Variants in FHIT observed in about 807,000 individuals in gnomAD.
FHIT encodes fragile histidine triad diadenosine triphosphatase.
FHIT carries 19 observed loss-of-function variants against 17.9 expected under a neutral mutation model. That is an observed-to-expected ratio of 1.06 (90% CI 0.74 to 1.56). The LOEUF (loss-of-function observed/expected upper bound fraction) is 1.56, where lower values mean the gene tolerates loss of function less well. FHIT is among the 40% of genes most tolerant of loss of function. The probability of loss-of-function intolerance (pLI) is 0.00; values close to 1 mark genes in which losing one functional copy is unlikely to be tolerated. For synonymous variants in FHIT, 81 were observed against 69.7 expected (o/e 1.16, Z -0.81); for missense variants, 248 against 189.2 (o/e 1.31, Z -1.82).
At chr3:60,866,189 C>G (rs1040081826) in intron 3 of FHIT, among the ~76,000 whole-genome samples, 17 of 152,120 alleles carry the variant, frequency 1.1e-4, no homozygotes, top group African/African-American at 3.9e-4. Context: ...GAGTCTCCTT[C>G]CACAAAAAGT....
chr3:59,974,024 A>G (rs1017117815), intron 7 of FHIT, among the ~76,000 whole-genome samples: 4 of 151,954 alleles, frequency 2.6e-5, no homozygotes, highest in African/African-American at 9.7e-5. Flanking sequence ...GCCACATATA[A>G]GGAAGAATAT....
At position 61,008,907 on chromosome 3, in the gene FHIT, G is replaced by T. The variant is rs537507319; in HGVS notation, c.-111+33140C>A. 7.1e-4 allele frequency among the ~76,000 whole-genome samples: 108 copies of T among 152,174 alleles called. 1 individual carries two copies. The highest frequency in any genetic ancestry group is 1.2e-3 in the Non-Finnish European group (83 of 68,018). On this transcript the variant is annotated intron_variant, in intron 3 of 9. Coordinates refer to ENST00000492590, the MANE Select transcript of FHIT (RefSeq NM_002012.4). ...GAACTAATTTGGGCTTTTTGTGTGT[G>T]TGTGTGTGCGGAAAACTGGCAGCTA...
chr3:60,338,090 G>A (rs1710330852), intron 5 of FHIT, among the ~76,000 whole-genome samples: 1 of 152,216 alleles, frequency 6.6e-6, no homozygotes, highest in South Asian at 2.1e-4. Flanking sequence ...CTGAGATGCA[G>A]CAGGGGACAG....
At chr3:61,010,838 G>A (rs1031714057) in intron 3 of FHIT, among the ~76,000 whole-genome samples, 4 of 152,158 alleles carry the variant, frequency 2.6e-5, no homozygotes, top group African/African-American at 9.7e-5. Flanking sequence ...AATATCAAGA[G>A]TTGACTGTTC....
At chr3:61,133,515 G>T (rs1412325922) in intron 2 of FHIT, among the ~76,000 whole-genome samples, 2 of 152,134 alleles carry the variant, frequency 1.3e-5, no homozygotes, top group Non-Finnish European at 2.9e-5. Flanking sequence ...AGGTAAATTG[G>T]AAAAATCTTC....
intron 3 of FHIT, among the ~76,000 whole-genome samples, chr3:60,997,437 G>A (rs2030752318): frequency 6.6e-6 from 1 of 152,034 alleles, no homozygotes; most frequent in Admixed American, 6.6e-5. Context: ...AAAATCAGAA[G>A]ATCTTAGCAT....
intron 4 of FHIT, among the ~76,000 whole-genome samples, chr3:60,683,084 A>G (rs1167778356): frequency 7.2e-5 from 11 of 152,210 alleles, no homozygotes; most frequent in Admixed American, 6.5e-4. Context: ...TAAAACTTGA[A>G]TGAGTGAGGA....
chr3:60,402,171 G>A (rs1029621264), intron 5 of FHIT, among the ~76,000 whole-genome samples: 1 of 152,164 alleles, frequency 6.6e-6, no homozygotes, highest in Non-Finnish European at 1.5e-5. Flanking sequence ...AAATCTCATA[G>A]ACACTCACAT....
At chr3:60,987,836 T>C (rs2029866560) in intron 3 of FHIT, among the ~76,000 whole-genome samples, 1 of 152,180 alleles carries the variant, frequency 6.6e-6, no homozygotes, top group African/African-American at 2.4e-5. Context: ...ATTGAGTCCA[T>C]AAAATTCTCT....
intron 4 of FHIT, among the ~76,000 whole-genome samples, chr3:60,569,916 C>G (rs1241731991): frequency 6.6e-6 from 1 of 151,490 alleles, no homozygotes; most frequent in Non-Finnish European, 1.5e-5. Context: ...ATACAATTCA[C>G]CCATTGATGT....
intron 7 of FHIT, among the ~76,000 whole-genome samples, chr3:59,998,897 C>A (rs1322785612): frequency 6.6e-6 from 1 of 152,154 alleles, no homozygotes; most frequent in East Asian, 1.9e-4. Context: ...CAAATTAAAT[C>A]ATAAATTTCT....
intron 5 of FHIT, among the ~76,000 whole-genome samples, chr3:60,467,196 A>G (rs1323547487): frequency 6.6e-6 from 1 of 151,844 alleles, no homozygotes; most frequent in African/African-American, 2.4e-5. Context: ...AATTTCTATG[A>G]TATCAATTGT....
In FHIT at chr3:60,668,432, T is replaced by C. The variant is rs935044119; in HGVS notation, c.-17-131453A>G. On this transcript the variant is annotated intron_variant, in intron 4 of 9. Coordinates refer to ENST00000492590, the MANE Select transcript of FHIT (RefSeq NM_002012.4). ...CTGAGCTGCTTCTTGTTGCCAGGCT[T>C]GGACTTAGGAAACACTCAGTTAGGA... Among the ~76,000 whole-genome samples, 6 of 150,288 alleles carry C rather than the reference T, an allele frequency of 4.0e-5. No homozygotes were observed. In the East Asian group the frequency reaches 1.2e-3, roughly 29 times the overall value.
chr3:60,275,158 A>C (rs1707064492), intron 5 of FHIT, among the ~76,000 whole-genome samples: 1 of 151,854 alleles, frequency 6.6e-6, no homozygotes, highest in Non-Finnish European at 1.5e-5. Context: ...GGAACTAGGC[A>C]TATTTTCATT....
At chr3:60,437,548 A>T (rs1317306389) in intron 5 of FHIT, among the ~76,000 whole-genome samples, 1 of 152,106 alleles carries the variant, frequency 6.6e-6, no homozygotes, top group Non-Finnish European at 1.5e-5. Flanking sequence ...CACTGTGCTC[A>T]GAGATTACAT....
chr3:60,072,512 A>G (rs1702822176), intron 5 of FHIT, among the ~76,000 whole-genome samples: 1 of 152,238 alleles, frequency 6.6e-6, no homozygotes, highest in Non-Finnish European at 1.5e-5. Context: ...GTGCATGCTT[A>G]CTTATGTGCT....
intron 4 of FHIT, among the ~76,000 whole-genome samples, chr3:60,722,065 A>C (rs536601035): frequency 1.3e-5 from 2 of 152,324 alleles, no homozygotes; most frequent in South Asian, 4.1e-4. Flanking sequence ...AGCAGTGGTA[A>C]ATACGAAAGG....
chr3:60,962,391 C>CT (rs1553781295), intron 3 of FHIT, among the ~76,000 whole-genome samples: 1 of 152,228 alleles, frequency 6.6e-6, no homozygotes, highest in Admixed American at 6.5e-5. Flanking sequence ...GACAATTTGA[C>CT]TTCCTCTTTT....
At chr3:60,298,086 C>T (rs1708292615) in intron 5 of FHIT, among the ~76,000 whole-genome samples, 1 of 151,972 alleles carries the variant, frequency 6.6e-6, no homozygotes, top group Admixed American at 6.6e-5. Context: ...GACCTTCCCT[C>T]TCTGGGAAGG....
Sources: allele counts gnomAD v4.1 joint callset (sites outside exome capture counted in the v4.1 genomes callset), GRCh38; gene constraint gnomAD v4.1.1; transcripts MANE v1.5; gene names NCBI Gene and HGNC (gene_info 2026-07-23, HGNC 2026-07-21).